Variants in MCF2L observed in about 807,000 individuals in gnomAD.
MCF2L encodes the protein guanine nucleotide exchange factor DBS.
MCF2L carries 97 observed loss-of-function variants against 153.4 expected under a neutral mutation model. The observed-to-expected ratio is 0.63, with a 90% CI of 0.54 to 0.75. The LOEUF is 0.75. Among genes scored for constraint, MCF2L ranks in the 30% least tolerant of loss-of-function variants. MCF2L has a pLI of 0.00. For synonymous variants in MCF2L, 659 were observed against 632.2 expected (o/e 1.04, Z -0.64); for missense variants, 1,347 against 1,495.2 (o/e 0.90, Z 1.64).
rs903317089 is a variant in MCF2L, at chr13:113,084,708, C to G, written c.2062-184C>G. On this transcript the variant is annotated intron_variant, in intron 18 of 29. Coordinates refer to ENST00000535094, the MANE Select transcript of MCF2L (RefSeq NM_001112732.3). The stretch of plus-strand genomic sequence containing the variant: ...CATTAATGGAGGGCAGGCCCCCCAG[C>G]GGAGCCTGGGAGCCAGTGCCGGCCC... The G allele has an allele frequency of 2.0e-5, 12 of 603,280 alleles. No homozygotes were observed. The East Asian group carries it at 3.3e-4, about 17-fold the overall frequency. The allele number at this position is 603,280 out of a possible 1,614,324, so 37.4% of individuals were successfully genotyped here. A position where few individuals can be genotyped will look rare whatever the true frequency, so the allele number is the denominator to read the frequency against.
Position 113,014,063 on chromosome 13 carries a change from C to T in MCF2L, c.80-700C>T, listed in dbSNP as rs552666471. On this transcript the variant is annotated intron_variant, in intron 1 of 29. Transcript: ENST00000535094. ...GTGCTGACCCCATGCTCCGAGCTGACGCTGGCCTAGTGCTCCCAGCTGGTA... is the reference window on the plus strand; with the variant it reads ...GTGCTGACCCCATGCTCCGAGCTGATGCTGGCCTAGTGCTCCCAGCTGGTA... Among the ~76,000 whole-genome samples the T allele has an allele frequency of 2.3e-3, 351 of 150,954 alleles. 2 individuals are homozygous for T. Among genetic ancestry groups the T allele is most frequent in the Non-Finnish European group, 3.3e-3 (221 of 67,644 alleles).
Position 113,031,187 on chromosome 13 carries a change from CAG to C in MCF2L, c.278+6435_278+6436del, listed in dbSNP as rs1041023301. 3.8e-3 allele frequency among the ~76,000 whole-genome samples: 554 copies of C among 146,628 alleles called. 2 individuals carry two copies. The highest frequency in any genetic ancestry group is 0.013 in the African/African-American group (514 of 38,918). ...AGAGACAGAGAGTGACAGACAGAGACAGAGAGACAGAGACAGACAGAGACAGA... is the reference window on the plus strand; with the variant it reads ...AGAGACAGAGAGTGACAGACAGAGACAGAGACAGAGACAGACAGAGACAGA... On this transcript the variant is annotated intron_variant, in intron 3 of 29. Coordinates refer to ENST00000535094, the MANE Select transcript of MCF2L (RefSeq NM_001112732.3). The surrounding 1 kb of genome is among the most constrained non-coding windows in gnomAD (Gnocchi z 5.5).
intron 26 of MCF2L, chr13:113,094,291 A>G (rs1003061034): frequency 6.3e-6 from 2 of 319,108 alleles, no homozygotes; most frequent in Admixed American, 9.7e-5. Context: ...TGGCCCAGCA[A>G]TTGGAAGCAG....
intron 1 of MCF2L, among the ~76,000 whole-genome samples, chr13:112,988,457 C>G (rs1261370824): frequency 1.3e-5 from 2 of 152,170 alleles, no homozygotes; most frequent in African/African-American, 4.8e-5. Context: ...TTTTAATTCT[C>G]GGCAGCTCTG....
intron 3 of MCF2L, among the ~76,000 whole-genome samples, chr13:113,039,006 C>T (rs1000840075): frequency 2.0e-5 from 3 of 152,146 alleles, no homozygotes; most frequent in South Asian, 4.2e-4. Context: ...TACAGGCGCC[C>T]GCCACCACGC....
rs1443731516 is a variant in MCF2L, at chr13:113,014,777, CAGG to C, written c.96_98del (p.Gln32_Asp33delinsHis). The C allele has an allele frequency of 6.2e-7, 1 of 1,613,834 alleles. No homozygotes were observed. The highest frequency in any genetic ancestry group is 1.3e-5 in the African/African-American group (1 of 74,930). On this transcript the variant is annotated inframe_deletion, in exon 2 of 30. Transcript: ENST00000535094. ...TTTCCGTGCAGATGAAATCATGCAC[CAGG>C]ACATCGTCCCGCTCTGTGCTGCCGA...
At chr13:112,957,841 G>A (rs2081777456) in intron 2 of MCF2L, 7 of 147,138 alleles carry the variant, frequency 4.8e-5, no homozygotes. Context: ...ATTTCATTTA[G>A]AATAATGCTT....
chr13:113,046,933 T>C lies in MCF2L; in HGVS notation c.369+1572T>C. ...AGACGTACTTGAGCTGGGTAATTGA[T>C]AAAGAAAGAGGCGTAATTGGCTCAC... On this transcript the variant is annotated intron_variant, in intron 4 of 29. Coordinates refer to ENST00000535094, the MANE Select transcript of MCF2L (RefSeq NM_001112732.3). This position sits in a 1 kb window ranked among gnomAD's most constrained non-coding sequence, Gnocchi z 4.4. The C allele has an allele frequency of 4.6e-6, 1 of 217,526 alleles. No homozygotes were observed. Among genetic ancestry groups the C allele is most frequent in the Non-Finnish European group, 9.2e-6 (1 of 108,834 alleles). 13.5% of individuals were successfully genotyped at this position (217,526 alleles called of 1,614,324 possible). A position where few individuals can be genotyped will look rare whatever the true frequency, so the allele number is the denominator to read the frequency against.
chr13:113,025,829 G>A (rs868671026), intron 3 of MCF2L, among the ~76,000 whole-genome samples: 60 of 120,038 alleles, frequency 5.0e-4, no homozygotes, highest in Non-Finnish European at 6.8e-4. Context: ...TCGGGGCAGA[G>A]TCTCTGTGAG....
chr13:112,894,863 G>A (rs2081050944), intron 1 of MCF2L, among the ~76,000 whole-genome samples: 1 of 150,402 alleles, frequency 6.6e-6, no homozygotes, highest in Non-Finnish European at 1.5e-5. Context: ...CCAGTGTCCA[G>A]GACAGCGCCT....
Position 113,011,005 on chromosome 13 carries a change from A to G in MCF2L, c.80-3758A>G, listed in dbSNP as rs972078810. On this transcript the variant is annotated intron_variant, in intron 1 of 29. Transcript: ENST00000535094. Reference sequence around the variant, plus strand: ...TTAAAGAAACTATGATCATAAGGGCAGATTTTCCCATCATTCTTGAGTGGG... The same window carrying G: ...TTAAAGAAACTATGATCATAAGGGCGGATTTTCCCATCATTCTTGAGTGGG... Among the ~76,000 whole-genome samples the G allele has an allele frequency of 2.6e-5, 4 of 152,256 alleles. 1 individual carries two copies. Among genetic ancestry groups the G allele is most frequent in the African/African-American group, 2.4e-5 (1 of 41,462 alleles).
At chr13:112,944,161 G>A (rs924283439) in intron 2 of MCF2L, among the ~76,000 whole-genome samples, 1 of 148,392 alleles carries the variant, frequency 6.7e-6, no homozygotes, top group African/African-American at 2.5e-5. Context: ...GGAGGGTCCT[G>A]GACTATGAAG....
At chr13:113,094,391 C>T in intron 26 of MCF2L, 123 bp from the exon 27 acceptor site, 2 of 977,986 alleles carry the variant, frequency 2.0e-6, no homozygotes, top group Non-Finnish European at 2.9e-6. Flanking sequence ...AGATGACAGG[C>T]TCTGTTGGGG....
chr13:113,004,573 A>C (rs2083568072), intron 1 of MCF2L, among the ~76,000 whole-genome samples: 1 of 152,252 alleles, frequency 6.6e-6, no homozygotes, highest in East Asian at 1.9e-4. Context: ...GTCTGCCTGC[A>C]TCACCGGCTG....
Position 112,916,554 on chromosome 13 carries a change from G to T in MCF2L, c.169+14183G>T, listed in dbSNP as rs117333731. ...GTCACGCCCTGACCCCTCGGCTCCCGTGTCCTCTGACTTCCTTGCACCAGC... is the reference window on the plus strand; with the variant it reads ...GTCACGCCCTGACCCCTCGGCTCCCTTGTCCTCTGACTTCCTTGCACCAGC... On this transcript the variant is annotated intron_variant, in intron 2 of 29. Transcript: ENST00000375608. Among the ~76,000 whole-genome samples the T allele has an allele frequency of 2.1e-3, 326 of 152,254 alleles. 2 individuals are homozygous for T. Among genetic ancestry groups the T allele is most frequent in the African/African-American group, 7.4e-3 (308 of 41,556 alleles).
Position 113,070,780 on chromosome 13 carries a change from A to G in MCF2L, c.996+607A>G, listed in dbSNP as rs866900107. On this transcript the variant is annotated intron_variant, in intron 9 of 29. Transcript: ENST00000535094. This position sits in a 1 kb window ranked among gnomAD's most constrained non-coding sequence, Gnocchi z 5.6. ...GCAGACCCCCAGGTGCCGGTGGCTC[A>G]CTCATTGTGTTCCCCGGTGTGGACG... Among the ~76,000 whole-genome samples the G allele has an allele frequency of 7.2e-5, 11 of 152,160 alleles. No individual in the cohort carries two copies. The highest frequency in any genetic ancestry group is 1.3e-4 in the Non-Finnish European group (9 of 68,030).
At chr13:112,910,469 T>A (rs776145459) in intron 2 of MCF2L, 2 of 152,248 alleles carry the variant, frequency 1.3e-5, no homozygotes, top group African/African-American at 2.4e-5. Flanking sequence ...GTTGTTGAGA[T>A]CATAATTCTC....
intron 4 of MCF2L, among the ~76,000 whole-genome samples, chr13:113,057,613 GCTGTGTGT>G: frequency 1.4e-5 from 2 of 139,606 alleles, no homozygotes; most frequent in South Asian, 2.6e-4. Context: ...GTGTTTGAGT[GCTGTGTGT>G]TTGGGTGCTG....
Position 113,096,555 on chromosome 13 carries a change from T to A in MCF2L, c.3194T>A (p.Val1065Asp). The A allele has an allele frequency of 1.2e-6, 2 of 1,604,298 alleles. No homozygotes were observed. Among genetic ancestry groups the A allele is most frequent in the Non-Finnish European group, 1.7e-6 (2 of 1,177,640 alleles). Residue 1065 changes from valine to aspartate, a missense_variant, in exon 29 of 30, where the codon GTC (valine) becomes GAC (aspartate). Physicochemically the swap from Val to Asp is radical, Grantham distance 152. Transcript: ENST00000535094. ...CTGACCCTCGCCCCTTGCAGGTACG[T>A]CAGGGACCCGACCACTGGCAAGGAG... ...VQEGDEGLWY[V>D]RDPTTGKEGW...
Sources: allele counts gnomAD v4.1 joint callset (sites outside exome capture counted in the v4.1 genomes callset), GRCh38; gene constraint gnomAD v4.1.1; non-coding constraint Gnocchi (gnomAD v3.1); transcripts MANE v1.5; gene names NCBI Gene and HGNC (gene_info 2026-07-23, HGNC 2026-07-21).